CNTN5: variants seen among roughly 807,000 people sequenced by gnomAD.
CNTN5 encodes contactin 5.
In CNTN5, 77 loss-of-function variants were observed where a neutral mutation model predicts 129.1. That is an observed-to-expected ratio of 0.60 (90% CI 0.50 to 0.72). The LOEUF is 0.72. Ranked by LOEUF, CNTN5 falls within the 30% of genes least tolerant of loss-of-function variation. The pLI, the probability that CNTN5 is intolerant of heterozygous loss-of-function variation, is 0.00. For synonymous variants in CNTN5, 509 were observed against 465.6 expected (o/e 1.09, Z -1.20); for missense variants, 1,478 against 1,328.8 (o/e 1.11, Z -1.75).
At chr11:99,879,861 G>T (rs10750415) in intron 6 of CNTN5, among the ~76,000 whole-genome samples, 62,419 of 151,992 alleles carry the variant, frequency 0.41, 12,882 homozygotes, top group South Asian at 0.48. Context: ...GGTCTAGCAA[G>T]AAGTCTATGT....
chr11:100,254,471 C>G (rs777173559), intron 16 of CNTN5, among the ~76,000 whole-genome samples: 2 of 152,152 alleles, frequency 1.3e-5, no homozygotes, highest in Non-Finnish European at 2.9e-5. Context: ...AGGTTGCCCT[C>G]TAGACCTTTG....
chr11:99,137,577 A>T (rs1046484081), intron 1 of CNTN5, among the ~76,000 whole-genome samples: 3 of 152,228 alleles, frequency 2.0e-5, no homozygotes, highest in Admixed American at 6.5e-5. Flanking sequence ...ATTAAAGTGA[A>T]TTTTTTTGCC....
chr11:99,224,313 T>C (rs1409650832), intron 1 of CNTN5, among the ~76,000 whole-genome samples: 1 of 152,182 alleles, frequency 6.6e-6, no homozygotes, highest in African/African-American at 2.4e-5. Flanking sequence ...TAAGCAATTA[T>C]TATCTTAGGG....
intron 2 of CNTN5, among the ~76,000 whole-genome samples, chr11:99,369,866 G>A (rs1027999240): frequency 6.6e-6 from 1 of 152,002 alleles, no homozygotes; most frequent in Non-Finnish European, 1.5e-5. Context: ...GAAAGAAGCA[G>A]ATATTTACTA....
At chr11:99,780,349 A>G (rs1945270806) in intron 3 of CNTN5, among the ~76,000 whole-genome samples, 2 of 152,252 alleles carry the variant, frequency 1.3e-5, no homozygotes, top group Non-Finnish European at 2.9e-5. Context: ...GATTATTACT[A>G]CTTAATTATC....
intron 14 of CNTN5, among the ~76,000 whole-genome samples, chr11:100,193,232 G>A (rs1948544400): frequency 2.0e-5 from 3 of 151,680 alleles, no homozygotes; most frequent in Non-Finnish European, 4.4e-5. Flanking sequence ...CTTCTAATTA[G>A]GTAGTCTCTT....
At chr11:99,402,978 G>A (rs1486297115) in intron 2 of CNTN5, among the ~76,000 whole-genome samples, 1 of 150,880 alleles carries the variant, frequency 6.6e-6, no homozygotes, top group African/African-American at 2.4e-5. Flanking sequence ...GTCTTAGTCT[G>A]GCTAAAAGTT....
At chr11:99,872,261 T>A (rs896576572) in intron 6 of CNTN5, among the ~76,000 whole-genome samples, 1 of 152,244 alleles carries the variant, frequency 6.6e-6, no homozygotes, top group Non-Finnish European at 1.5e-5. Flanking sequence ...AATTGGCTTT[T>A]GTTTCTTTGC....
intron 3 of CNTN5, among the ~76,000 whole-genome samples, chr11:99,646,884 T>C (rs976791044): frequency 6.6e-6 from 1 of 151,918 alleles, no homozygotes; most frequent in African/African-American, 2.4e-5. Flanking sequence ...AAGTAGATGA[T>C]TGGCTTTTTT....
chr11:99,278,620 GT>G lies in CNTN5; in HGVS notation c.-209-46725del, dbSNP rs1014485545. Among the ~76,000 whole-genome samples, 4 of 151,532 alleles carry G rather than the reference GT, an allele frequency of 2.6e-5. No homozygotes were observed. The Admixed American group carries it at 2.6e-4, about 10-fold the overall frequency. On this transcript the variant is annotated intron_variant, in intron 1 of 24. Coordinates refer to ENST00000524871, the MANE Select transcript of CNTN5 (RefSeq NM_014361.4). ...ATAGGCACTTTAATATATGCTTTAT[GT>G]ATGTTTATTTTGGAAGAGTCATATC...
chr11:99,979,857 T>G (rs1938223057), intron 8 of CNTN5, among the ~76,000 whole-genome samples: 1 of 152,218 alleles, frequency 6.6e-6, no homozygotes, highest in Non-Finnish European at 1.5e-5. Flanking sequence ...GCATGGACTC[T>G]GAAGCCGGAC....
chr11:100,071,827 G>C lies in CNTN5; in HGVS notation c.1422G>C (p.Lys474Asn). ...CCATTTACGCTAGTGCTGAGCTGAA[G>C]ATTCTAGGTATGCAGTTTCTAAGTG... is the stretch of plus-strand genomic sequence containing the variant. ...YGAIYASAELKILASAPTFAL... is the reference protein window; with the variant it reads ...YGAIYASAELNILASAPTFAL... The change falls in exon 12 of 25, where the codon AAG becomes AAC. Residue 474 changes from lysine to asparagine, a missense_variant. Physicochemically the swap from Lys to Asn is moderately conservative, Grantham distance 94. Transcript: ENST00000524871. 6.3e-7 allele frequency: 1 copy of C among 1,589,274 alleles called. No individual in the cohort carries two copies. Among genetic ancestry groups the C allele is most frequent in the South Asian group, 1.2e-5 (1 of 85,680 alleles).
chr11:99,220,915 G>A (rs969841805), intron 1 of CNTN5, among the ~76,000 whole-genome samples: 1 of 151,766 alleles, frequency 6.6e-6, no homozygotes, highest in Non-Finnish European at 1.5e-5. Context: ...TACTAAGTGG[G>A]TTGTCCAATG....
chr11:99,404,286 TG>T (rs1322569117), intron 2 of CNTN5, among the ~76,000 whole-genome samples: 187 of 2,922 alleles, frequency 0.064, no homozygotes, highest in African/African-American at 0.17. Context: ...AACAGATCAA[TG>T]GTTTTTTTTT....
intron 3 of CNTN5, among the ~76,000 whole-genome samples, chr11:99,792,911 A>C (rs1189927599): frequency 6.6e-6 from 1 of 152,072 alleles, no homozygotes; most frequent in East Asian, 1.9e-4. Flanking sequence ...GCTTGTGTGC[A>C]TGCAGGTGTT....
intron 2 of CNTN5, among the ~76,000 whole-genome samples, chr11:99,384,484 G>A (rs909478778): frequency 2.6e-5 from 4 of 152,148 alleles, no homozygotes; most frequent in African/African-American, 9.7e-5. Flanking sequence ...CCCCAACCGA[G>A]GGACTCAGGA....
At chr11:99,346,795 C>T (rs564634922) in intron 2 of CNTN5, among the ~76,000 whole-genome samples, 1 of 152,190 alleles carries the variant, frequency 6.6e-6, no homozygotes, top group Non-Finnish European at 1.5e-5. Flanking sequence ...GGAAGAGACA[C>T]AAGCTCGCTC....
chr11:99,647,610 G>T lies in CNTN5; in HGVS notation c.55+91341G>T, dbSNP rs1952013527. Among the ~76,000 whole-genome samples the T allele has an allele frequency of 2.0e-5, 3 of 151,856 alleles. No individual in the cohort carries two copies. The Middle Eastern group carries it at 0.01, about 520-fold the overall frequency. ...TTTTGATAGAAATTGCATTGAATTT[G>T]TAGATTGCTTTGCATAGTATGAACA... is the stretch of plus-strand genomic sequence containing the variant. On this transcript the variant is annotated intron_variant, in intron 3 of 24. Coordinates refer to ENST00000524871, the MANE Select transcript of CNTN5 (RefSeq NM_014361.4).
At chr11:100,318,415 G>A (rs532166891) in intron 21 of CNTN5, among the ~76,000 whole-genome samples, 10 of 151,966 alleles carry the variant, frequency 6.6e-5, no homozygotes, top group South Asian at 4.1e-4. Context: ...TGCACAAGCA[G>A]AGCATCCACG....
Sources: allele counts gnomAD v4.1 joint callset (sites outside exome capture counted in the v4.1 genomes callset), GRCh38; gene constraint gnomAD v4.1.1; transcripts MANE v1.5; gene names NCBI Gene and HGNC (gene_info 2026-07-23, HGNC 2026-07-21).